The following NDST4 variants were observed in gnomAD, a reference collection of about 807,000 sequenced individuals.
NDST4 encodes the protein N-deacetylase and N-sulfotransferase 4.
Under a neutral mutation model 100.8 loss-of-function variants are expected in NDST4, and 63 were observed. The observed-to-expected ratio is 0.62, with a 90% confidence interval of 0.51 to 0.77. NDST4 has a LOEUF of 0.77. Among genes scored for constraint, NDST4 ranks in the 30% least tolerant of loss-of-function variants. The probability of loss-of-function intolerance (pLI) is 0.00; values close to 1 mark genes in which losing one functional copy is unlikely to be tolerated. For synonymous variants in NDST4, 377 were observed against 361.8 expected, an observed-to-expected ratio of 1.04 and a Z score of -0.48; for missense variants, 943 against 1,018.4, an observed-to-expected ratio of 0.93 and a Z score of 1.01.
intron 3 of NDST4, among the ~76,000 whole-genome samples, chr4:114,974,091 C>T (rs1218302939): frequency 6.6e-6 from 1 of 151,786 alleles, no homozygotes; most frequent in East Asian, 1.9e-4. Context: ...GCACTTGTAA[C>T]ATGCTAAGCA....
chr4:115,043,573 T>A (rs567323153), intron 2 of NDST4, among the ~76,000 whole-genome samples: 43 of 152,076 alleles, frequency 2.8e-4, no homozygotes, highest in Non-Finnish European at 5.7e-4. Flanking sequence ...GAACATAGGT[T>A]TTTAGATACG....
intron 4 of NDST4, among the ~76,000 whole-genome samples, chr4:114,939,637 A>AG (rs1440241182): frequency 2.0e-5 from 3 of 152,128 alleles, no homozygotes; most frequent in Admixed American, 6.5e-5. Context: ...GGAAAAAAAA[A>AG]GAGACATTTC....
In NDST4 at chr4:115,008,971, T is replaced by A. The variant is rs1383549178; in HGVS notation, c.979-31697A>T. On this transcript the variant is annotated intron_variant, in intron 2 of 13. Coordinates refer to ENST00000264363, the MANE Select transcript of NDST4 (RefSeq NM_022569.3). ...AGAATAAAATACCTAGGAATCCAACTTACAAGGGACATGAAGGACCTCTTC... is the reference window on the plus strand; with the variant it reads ...AGAATAAAATACCTAGGAATCCAACATACAAGGGACATGAAGGACCTCTTC... 2.4e-5 allele frequency among the ~76,000 whole-genome samples: 3 copies of A among 127,134 alleles called. 1 individual carries two copies. The highest frequency in any genetic ancestry group is 8.9e-5 in the African/African-American group (3 of 33,524). The allele number at this position is 127,134 out of a possible 152,430, so 83.4% of individuals were successfully genotyped here.
At chr4:114,970,864 T>C (rs1236732625) in intron 3 of NDST4, among the ~76,000 whole-genome samples, 2 of 152,196 alleles carry the variant, frequency 1.3e-5, no homozygotes, top group Non-Finnish European at 1.5e-5. Context: ...TATACCCTTA[T>C]ATGTATTTTA....
chr4:114,895,410 A>T (rs1230229843), intron 6 of NDST4, among the ~76,000 whole-genome samples: 1 of 152,212 alleles, frequency 6.6e-6, no homozygotes, highest in Non-Finnish European at 1.5e-5. Flanking sequence ...TCCTGGAGGC[A>T]TACACCCTAC....
At chr4:114,999,422 A>C (rs1560851775) in intron 2 of NDST4, among the ~76,000 whole-genome samples, 1 of 152,102 alleles carries the variant, frequency 6.6e-6, no homozygotes, top group Non-Finnish European at 1.5e-5. Flanking sequence ...AATAATTGAG[A>C]TGCTACATAG....
intron 4 of NDST4, among the ~76,000 whole-genome samples, chr4:114,958,208 T>C (rs766962817): frequency 7.2e-5 from 11 of 152,228 alleles, no homozygotes; most frequent in Non-Finnish European, 1.6e-4. Flanking sequence ...GGCATTTCCA[T>C]ACATGCTCTG....
At chr4:114,841,064 CAG>C (rs1723413513) in intron 10 of NDST4, among the ~76,000 whole-genome samples, 1 of 152,116 alleles carries the variant, frequency 6.6e-6, no homozygotes, top group Non-Finnish European at 1.5e-5. Flanking sequence ...ATATTTAATA[CAG>C]TAATGCTAAA....
At chr4:114,913,731 GAAA>G (rs56189208) in intron 6 of NDST4, among the ~76,000 whole-genome samples, 23 of 125,996 alleles carry the variant, frequency 1.8e-4, no homozygotes, top group African/African-American at 5.1e-4. Flanking sequence ...CTATCTCCAA[GAAA>G]AAAAAAAAAA....
intron 11 of NDST4, among the ~76,000 whole-genome samples, chr4:114,837,031 G>A (rs1372305669): frequency 6.6e-6 from 1 of 152,000 alleles, no homozygotes; most frequent in African/African-American, 2.4e-5. Context: ...CATTTACCAA[G>A]TGCTTAGCTT....
chr4:115,058,869 A>C (rs972478978), intron 2 of NDST4, among the ~76,000 whole-genome samples: 22 of 152,030 alleles, frequency 1.4e-4, no homozygotes, highest in Non-Finnish European at 2.9e-5. Context: ...TAAATTATAT[A>C]ATCTTAGCAG....
At chr4:115,042,642 A>G (rs1237391934) in intron 2 of NDST4, among the ~76,000 whole-genome samples, 1 of 152,116 alleles carries the variant, frequency 6.6e-6, no homozygotes, top group Non-Finnish European at 1.5e-5. Flanking sequence ...GAAAAAGTGT[A>G]GTATATATAG....
intron 1 of NDST4, among the ~76,000 whole-genome samples, chr4:115,112,372 T>G (rs1729973018): frequency 6.6e-6 from 1 of 151,886 alleles, no homozygotes; most frequent in Non-Finnish European, 1.5e-5. Flanking sequence ...AAAATCATTC[T>G]GAGAGTTACA....
intron 6 of NDST4, among the ~76,000 whole-genome samples, chr4:114,891,022 C>T (rs1724583719): frequency 1.3e-5 from 2 of 152,008 alleles, no homozygotes; most frequent in Admixed American, 1.3e-4. Context: ...CCGAAACACC[C>T]TCCTCTTTTG....
intron 6 of NDST4, among the ~76,000 whole-genome samples, chr4:114,891,578 T>G (rs530148258): frequency 2.9e-4 from 44 of 152,232 alleles, no homozygotes; most frequent in Admixed American, 2.8e-3. Context: ...CTTCTTTATT[T>G]GTATTTCCAT....
intron 2 of NDST4, among the ~76,000 whole-genome samples, chr4:115,021,091 C>CA (rs1320039245): frequency 6.6e-6 from 1 of 151,750 alleles, no homozygotes; most frequent in Non-Finnish European, 1.5e-5. Flanking sequence ...AGTCATTATA[C>CA]AAAAAAAGAT....
intron 2 of NDST4, among the ~76,000 whole-genome samples, chr4:115,057,702 G>GCACACACACA (rs59805768): frequency 2.0e-5 from 3 of 147,252 alleles, no homozygotes; most frequent in African/African-American, 7.5e-5. Flanking sequence ...GCGTGCGCAC[G>GCACACACACA]CACACACACA....
chr4:114,980,025 T>C (rs1048611388), intron 2 of NDST4, among the ~76,000 whole-genome samples: 2 of 151,400 alleles, frequency 1.3e-5, no homozygotes, highest in African/African-American at 4.9e-5. Context: ...CAGAAATAAA[T>C]TTAAAAGAGA....
At chr4:115,113,055 G>A (rs1256379233) in intron 1 of NDST4, among the ~76,000 whole-genome samples, 1 of 151,858 alleles carries the variant, frequency 6.6e-6, no homozygotes, top group African/African-American at 2.4e-5. Context: ...ACTTATTAGG[G>A]AAACATTTAT....
Sources: gnomAD v4.1 joint callset for allele counts (sites outside exome capture counted in the v4.1 genomes callset) on GRCh38, gnomAD v4.1.1 for gene constraint, MANE v1.5 for transcripts, NCBI Gene and HGNC (gene_info 2026-07-23, HGNC 2026-07-21) for gene names.